RBFOX3: variants seen among roughly 807,000 people sequenced by gnomAD.
RBFOX3 encodes the protein RNA binding protein fox-1 homolog 3.
Under a neutral mutation model 48.7 loss-of-function variants are expected in RBFOX3, and 17 were observed. The observed-to-expected ratio is 0.35, with a 90% CI of 0.24 to 0.52. The LOEUF is 0.52. Among genes scored for constraint, RBFOX3 ranks in the 20% least tolerant of loss-of-function variants. The probability of loss-of-function intolerance (pLI) is 0.94; values close to 1 mark genes in which losing one functional copy is unlikely to be tolerated. For synonymous variants in RBFOX3, 212 were observed against 209.5 expected, an observed-to-expected ratio of 1.01 and a Z score of -0.10; for missense variants, 382 against 497.5, an observed-to-expected ratio of 0.77 and a Z score of 2.21.
At chr17:79,180,138 G>C (rs1408188303) in intron 4 of RBFOX3, among the ~76,000 whole-genome samples, 1 of 152,202 alleles carries the variant, frequency 6.6e-6, no homozygotes, top group Non-Finnish European at 1.5e-5. Context: ...GCTGCTGGGA[G>C]AGGGGCTGAG....
chr17:79,341,665 A>G (rs116951344), intron 2 of RBFOX3, among the ~76,000 whole-genome samples: 1,916 of 152,268 alleles, frequency 0.013, 37 homozygotes, highest in Admixed American at 0.055. Flanking sequence ...CTGGAGAAGC[A>G]GTCACTGCCC....
the RBFOX3 span, among the ~76,000 whole-genome samples, chr17:79,649,535 G>A: frequency 3.7e-4 from 56 of 152,250 alleles, no homozygotes; most frequent in African/African-American, 7.0e-4. Context: ...GTGAAACCCC[G>A]TCTCTACGAA....
In RBFOX3 at chr17:79,457,008, T is replaced by G. The variant is rs916527380; in HGVS notation, c.-175+25446A>C. ...TGTGTTATAGGCAGAGGTACAGGCATAGGTATATTGATAGAGAAGATAATG... is the reference window on the plus strand; with the variant it reads ...TGTGTTATAGGCAGAGGTACAGGCAGAGGTATATTGATAGAGAAGATAATG... On this transcript the variant is annotated intron_variant, in intron 2 of 14. Coordinates refer to ENST00000693108, the MANE Select transcript of RBFOX3 (RefSeq NM_001350451.2). 1.6e-4 allele frequency among the ~76,000 whole-genome samples: 24 copies of G among 152,264 alleles called. 1 individual carries two copies. In the East Asian group the frequency reaches 3.5e-3, roughly 22 times the overall value.
chr17:79,439,104 G>A (rs1000096290), intron 2 of RBFOX3, among the ~76,000 whole-genome samples: 2 of 152,228 alleles, frequency 1.3e-5, no homozygotes, highest in Non-Finnish European at 2.9e-5. Context: ...TCCCTCTGGC[G>A]CTGAGCAGGG....
chr17:79,133,455 C>G (rs370484378), intron 4 of RBFOX3, among the ~76,000 whole-genome samples: 1 of 152,198 alleles, frequency 6.6e-6, no homozygotes, highest in African/African-American at 2.4e-5. Context: ...GTGAAAAACA[C>G]CACCCCATGT....
At chr17:79,194,922 T>TTTGTTTGTTTGC (rs1341216216) in intron 4 of RBFOX3, among the ~76,000 whole-genome samples, 2 of 151,844 alleles carry the variant, frequency 1.3e-5, no homozygotes, top group Admixed American at 6.6e-5. Flanking sequence ...GTTTTGTTTG[T>TTTGTTTGTTTGC]TTTACTTTCT....
At chr17:79,174,751 G>A (rs557016361) in intron 4 of RBFOX3, among the ~76,000 whole-genome samples, 13 of 152,242 alleles carry the variant, frequency 8.5e-5, no homozygotes, top group African/African-American at 3.1e-4. Flanking sequence ...ATACACTGAC[G>A]CACACACAAC....
chr17:79,444,814 AAT>A (rs2071896830), intron 2 of RBFOX3, among the ~76,000 whole-genome samples: 1 of 152,034 alleles, frequency 6.6e-6, no homozygotes, highest in South Asian at 2.1e-4. Flanking sequence ...TATATATGCA[AAT>A]ATATATATGC....
At chr17:79,519,954 A>G (rs34827687) in intron 1 of RBFOX3, among the ~76,000 whole-genome samples, 19,437 of 152,154 alleles carry the variant, frequency 0.13, 3,682 homozygotes, top group African/African-American at 0.42. Flanking sequence ...TCCGTTCACT[A>G]GAATAAGCTG....
chr17:79,229,247 A>G (rs1397062632), intron 4 of RBFOX3, among the ~76,000 whole-genome samples: 1 of 130,230 alleles, frequency 7.7e-6, no homozygotes, highest in East Asian at 2.1e-4. Flanking sequence ...AAAAAAAAAA[A>G]AAAAAAAAAA....
chr17:79,603,858 G>T (rs1237805562), intron 1 of RBFOX3: 1 of 152,238 alleles, frequency 6.6e-6, no homozygotes, highest in East Asian at 1.9e-4. Flanking sequence ...GGGTGGCAAG[G>T]CTGGGAAGGG....
intron 2 of RBFOX3, among the ~76,000 whole-genome samples, chr17:79,371,575 G>A (rs900425367): frequency 1.4e-4 from 21 of 152,136 alleles, no homozygotes; most frequent in Admixed American, 3.3e-4. Flanking sequence ...AAATCGAGAC[G>A]CCCAGAGTGT....
chr17:79,469,912 G>A (rs981718138), intron 2 of RBFOX3, among the ~76,000 whole-genome samples: 1 of 152,168 alleles, frequency 6.6e-6, no homozygotes, highest in Non-Finnish European at 1.5e-5. Context: ...GTGCATGAGA[G>A]AGAGCACGCA....
At chr17:79,409,090 T>C (rs763837283) in intron 2 of RBFOX3, among the ~76,000 whole-genome samples, 4 of 152,246 alleles carry the variant, frequency 2.6e-5, no homozygotes, top group Non-Finnish European at 5.9e-5. Flanking sequence ...AATGGAATCA[T>C]ACAATATGTG....
At chr17:79,566,995 C>T (rs2092477753) in intron 1 of RBFOX3, among the ~76,000 whole-genome samples, 1 of 152,004 alleles carries the variant, frequency 6.6e-6, no homozygotes, top group Admixed American at 6.6e-5. Context: ...TGGAAGTCAC[C>T]CTGCAACCGA....
At chr17:79,440,575 T>C (rs550535328) in intron 2 of RBFOX3, among the ~76,000 whole-genome samples, 1 of 152,294 alleles carries the variant, frequency 6.6e-6, no homozygotes, top group African/African-American at 2.4e-5. Flanking sequence ...CAGATTTTCC[T>C]CATTGGCCGT....
chr17:79,639,233 G>A, the RBFOX3 span, among the ~76,000 whole-genome samples: 28 of 151,560 alleles, frequency 1.8e-4, no homozygotes, highest in Non-Finnish European at 2.6e-4. Context: ...GGAGTGCAGC[G>A]GCGCAATCTC....
intron 4 of RBFOX3, among the ~76,000 whole-genome samples, chr17:79,202,083 C>A (rs1270178491): frequency 1.3e-5 from 2 of 152,140 alleles, no homozygotes; most frequent in Non-Finnish European, 2.9e-5. Flanking sequence ...GGAGAATGAC[C>A]TCGGTCCCCT....
intron 1 of RBFOX3, among the ~76,000 whole-genome samples, chr17:79,548,016 C>T (rs897360014): frequency 2.8e-4 from 43 of 152,216 alleles, no homozygotes; most frequent in Admixed American, 1.9e-3. Context: ...TCCTGGACTA[C>T]TCTGAACATT....
Sources: allele counts gnomAD v4.1 joint callset (sites outside exome capture counted in the v4.1 genomes callset), GRCh38; gene constraint gnomAD v4.1.1; transcripts MANE v1.5; gene names NCBI Gene and HGNC (gene_info 2026-07-23, HGNC 2026-07-21).